WDR1: variants seen among roughly 807,000 people sequenced by gnomAD.
The protein encoded by WDR1 is WD repeat-containing protein 1.
WDR1 carries 21 observed loss-of-function variants against 71.9 expected under a neutral mutation model. The observed-to-expected ratio is 0.29, with a 90% CI of 0.21 to 0.42. The LOEUF is 0.42. Among genes scored for constraint, WDR1 ranks in the 10% least tolerant of loss-of-function variants. The pLI, the probability that WDR1 is intolerant of heterozygous loss-of-function variation, is 1.00. For synonymous variants in WDR1, 424 were observed against 347.4 expected (o/e 1.22, Z -2.45); for missense variants, 696 against 824.5 (o/e 0.84, Z 1.91).
At chr4:10,112,804 G>A (rs1395097119) in intron 2 of WDR1, among the ~76,000 whole-genome samples, 1 of 152,184 alleles carries the variant, frequency 6.6e-6, no homozygotes, top group Non-Finnish European at 1.5e-5. Context: ...AACTCACTGA[G>A]CACCTACTGT....
In WDR1 at chr4:10,093,138, G is replaced by A. The variant is rs765489370; in HGVS notation, c.559-4397C>T. On this transcript the variant is annotated intron_variant, in intron 5 of 14. Transcript: ENST00000499869. The stretch of plus-strand genomic sequence containing the variant: ...CGACAGAGCGCTGCAGGCCCCAGCT[G>A]GCCTGTCTCCAGCACACACATGCTC... The A allele has an allele frequency of 2.3e-6, 3 of 1,289,344 alleles. No individual in the cohort carries two copies. The East Asian group carries it at 1.7e-4, about 72-fold the overall frequency. The allele number at this position is 1,289,344 out of a possible 1,614,324, so 79.9% of individuals were successfully genotyped here.
intron 2 of WDR1, among the ~76,000 whole-genome samples, chr4:10,114,817 C>T (rs752208321): frequency 6.6e-5 from 10 of 152,140 alleles, no homozygotes; most frequent in South Asian, 4.1e-4. Context: ...CATTCACACC[C>T]GCCCACCCCC....
intron 2 of WDR1, among the ~76,000 whole-genome samples, chr4:10,114,647 G>A (rs1355335391): frequency 1.3e-5 from 2 of 152,234 alleles, no homozygotes; most frequent in Admixed American, 6.5e-5. Context: ...TCTCTTTAGG[G>A]TTGTCTCAAT....
intron 13 of WDR1, 41 bp from the exon 14 acceptor site, chr4:10,077,489 T>A: frequency 6.2e-7 from 1 of 1,613,328 alleles, no homozygotes; most frequent in South Asian, 1.1e-5. Context: ...CAGGTCAGGT[T>A]CAGGCCGCAG....
At chr4:10,099,175 G>A (rs756214476) in intron 3 of WDR1, 36 bp from the exon 4 acceptor site, 13 of 1,242,100 alleles carry the variant, frequency 1.0e-5, no homozygotes, top group East Asian at 5.3e-5. Flanking sequence ...GGGGGGAGGC[G>A]GTGGTGGGGT....
At chr4:10,116,307 C>T in intron 1 of WDR1, 73 bp from the exon 2 acceptor site, 2 of 1,600,194 alleles carry the variant, frequency 1.2e-6, no homozygotes, top group Non-Finnish European at 8.5e-7. Flanking sequence ...GAGAAGGAGC[C>T]CCGGACCGGT....
intron 14 of WDR1, 129 bp from the exon 15 acceptor site, chr4:10,075,613 G>GT (rs1764770768): frequency 1.2e-6 from 1 of 828,150 alleles, no homozygotes; most frequent in Non-Finnish European, 2.0e-6. Context: ...ACGAATCGTT[G>GT]TAACTCAGGA....
At chr4:10,099,237 A>C in intron 3 of WDR1, 98 bp from the exon 4 acceptor site, 1 of 1,006,650 alleles carries the variant, frequency 9.9e-7, no homozygotes, top group Non-Finnish European at 1.5e-6. Context: ...CCACGTGGCC[A>C]TAGGCCCACT....
rs757818048 is a variant in WDR1, at chr4:10,116,197, G to T, written c.54C>A (p.Gly18=). The part of the protein sequence containing the change: ...VFASLPQVER[G]VSKIIGGDPK... Reference sequence around the variant, plus strand: ...GGTCGCCGCCGATGATCTTGGAGACGCCCCTCTCCACCTGCGGGAGGCTGG... The same window carrying T: ...GGTCGCCGCCGATGATCTTGGAGACTCCCCTCTCCACCTGCGGGAGGCTGG... The change falls in exon 2 of 15, where the codon GGC becomes GGA. Residue 18 remains glycine, a synonymous_variant. Coordinates refer to ENST00000499869, the MANE Select transcript of WDR1 (RefSeq NM_017491.5). 1 of 1,613,584 alleles carries T rather than the reference G, an allele frequency of 6.2e-7. No homozygotes were observed. The highest frequency in any genetic ancestry group is 1.7e-5 in the Admixed American group (1 of 59,978).
rs1055058510 is a variant in WDR1 at position 10,097,703 on chromosome 4, T to A, written c.558+8A>T. On this transcript the variant is annotated splice_region_variant and intron_variant, in intron 5 of 14. Transcript: ENST00000499869. ...CACAAATTTCACCCAAAAAGTAAGT[T>A]CACTTACGCCAATTGTGAACTTGAA... is the stretch of plus-strand genomic sequence containing the variant. 1.2e-6 allele frequency: 2 copies of A among 1,604,292 alleles called. No homozygotes were observed. The highest frequency in any genetic ancestry group is 2.2e-5 in the East Asian group (1 of 44,620).
In WDR1 at chr4:10,103,941, C is replaced by A. The variant is rs1378395870; in HGVS notation, c.184G>T (p.Val62Leu). The change falls in exon 3 of 15, where the codon GTG becomes TTG. Residue 62 changes from valine (V) to leucine (L), a missense_variant. Physicochemically the swap from Val to Leu is conservative, Grantham distance 32. Coordinates refer to ENST00000499869, the MANE Select transcript of WDR1 (RefSeq NM_017491.5). ...DIYTEHAHQV[V>L]VAKYAPSGFY... ...CCGCTGGGCGCATACTTGGCCACCA[C>A]CACCTGATGGGCGTGCTCTGTGTAG... The A allele has an allele frequency of 2.5e-6, 4 of 1,603,152 alleles. No homozygotes were observed. In the African/African-American group the frequency reaches 5.4e-5, roughly 21 times the overall value.
In WDR1 at chr4:10,116,797, A is replaced by C; in HGVS notation, c.-131T>G. The C allele has an allele frequency of 9.1e-7, 1 of 1,101,506 alleles. No homozygotes were observed. Among genetic ancestry groups the C allele is most frequent in the Non-Finnish European group, 1.1e-6 (1 of 876,286 alleles). 68.2% of individuals were successfully genotyped at this position (1,101,506 alleles called of 1,614,324 possible). A position where few individuals can be genotyped will look rare whatever the true frequency, so the allele number is the denominator to read the frequency against. ...GCGGCACCGGGCGTGCCGGGAGTGG[A>C]GTGGGCGGTCCGAGGCCGGGGCTCA... On this transcript the variant is annotated 5_prime_UTR_variant, in exon 1 of 15. Coordinates refer to ENST00000499869, the MANE Select transcript of WDR1 (RefSeq NM_017491.5).
Position 10,075,310 on chromosome 4 carries a change from T to G in WDR1, c.*68A>C. 1.8e-5 allele frequency: 26 copies of G among 1,440,364 alleles called. No homozygotes were observed. Among genetic ancestry groups the G allele is most frequent in the Non-Finnish European group, 2.5e-5 (26 of 1,029,438 alleles). 89.2% of individuals were successfully genotyped at this position (1,440,364 alleles called of 1,614,324 possible). A position where few individuals can be genotyped will look rare whatever the true frequency, so the allele number is the denominator to read the frequency against. On this transcript the variant is annotated 3_prime_UTR_variant, in exon 15 of 15. Coordinates refer to ENST00000499869, the MANE Select transcript of WDR1 (RefSeq NM_017491.5). ...GGGGCGCGTCACAGAAATAGAGAAA[T>G]GACATGTTCCGCTGCAGTTAAACTC...
intron 11 of WDR1, among the ~76,000 whole-genome samples, chr4:10,079,642 A>C (rs1178779939): frequency 6.6e-6 from 1 of 152,164 alleles, no homozygotes; most frequent in Non-Finnish European, 1.5e-5. Context: ...AACTGCTCCC[A>C]GACAGTGGCC....
At chr4:10,101,961 T>G (rs1198638414) in intron 3 of WDR1, among the ~76,000 whole-genome samples, 1 of 152,116 alleles carries the variant, frequency 6.6e-6, no homozygotes, top group Non-Finnish European at 1.5e-5. Flanking sequence ...GGGATGTAAA[T>G]GAGAGCATGT....
chr4:10,081,318 G>T, intron 11 of WDR1, 39 bp downstream of exon 11: 2 of 1,596,072 alleles, frequency 1.3e-6, no homozygotes, highest in South Asian at 2.2e-5. Context: ...GCACCACACA[G>T]CTGCAGGCTC....
chr4:10,108,421 AG>A (rs1713151246), intron 2 of WDR1: 1 of 152,246 alleles, frequency 6.6e-6, no homozygotes, highest in Admixed American at 6.5e-5. Flanking sequence ...ACATTTCAGC[AG>A]ATGACGACAC....
At chr4:10,082,853 A>G (rs984141605) in intron 10 of WDR1, among the ~76,000 whole-genome samples, 169 bp downstream of exon 10, 3 of 152,240 alleles carry the variant, frequency 2.0e-5, no homozygotes, top group South Asian at 2.1e-4. Context: ...GATCTGTAAC[A>G]CAGTGCTGGG....
intron 2 of WDR1, among the ~76,000 whole-genome samples, chr4:10,115,590 G>T (rs539231690): frequency 2.0e-5 from 3 of 152,260 alleles, no homozygotes; most frequent in South Asian, 2.1e-4. Context: ...GGGCTTGAGG[G>T]ACGCCAGCAG....
Sources: allele counts gnomAD v4.1 joint callset (sites outside exome capture counted in the v4.1 genomes callset), GRCh38; gene constraint gnomAD v4.1.1; transcripts MANE v1.5; gene names NCBI Gene and HGNC (gene_info 2026-07-23, HGNC 2026-07-21).